PLXNC1: variants seen among roughly 807,000 people sequenced by gnomAD.
The protein encoded by PLXNC1 is plexin-C1.
PLXNC1 carries 75 observed loss-of-function variants against 178.2 expected under a neutral mutation model. That is an observed-to-expected ratio of 0.42 (90% CI 0.35 to 0.51). PLXNC1 has a LOEUF of 0.51. Among genes scored for constraint, PLXNC1 ranks in the 20% least tolerant of loss-of-function variants. The pLI, the probability that PLXNC1 is intolerant of heterozygous loss-of-function variation, is 0.02. For synonymous variants in PLXNC1, 790 were observed against 779.9 expected (o/e 1.01, Z -0.22); for missense variants, 1,503 against 1,984.4 (o/e 0.76, Z 4.61).
chr12:94,214,874 A>G (rs1334484837), intron 5 of PLXNC1, among the ~76,000 whole-genome samples: 1 of 151,968 alleles, frequency 6.6e-6, no homozygotes, highest in Non-Finnish European at 1.5e-5. Flanking sequence ...TAGTAGTTAG[A>G]TAGCAGAGCA....
intron 2 of PLXNC1, among the ~76,000 whole-genome samples, chr12:94,175,340 A>G (rs569264500): frequency 6.6e-6 from 1 of 152,354 alleles, no homozygotes; most frequent in African/African-American, 2.4e-5. Flanking sequence ...ATAAAATATT[A>G]TAGCTTTTTG....
intron 12 of PLXNC1, among the ~76,000 whole-genome samples, chr12:94,245,958 A>G (rs1013601265): frequency 2.0e-5 from 3 of 152,216 alleles, no homozygotes; most frequent in African/African-American, 7.2e-5. Flanking sequence ...GGACCGAGAC[A>G]ATTAGTGACA....
chr12:94,212,489 C>A (rs11107447), intron 5 of PLXNC1, among the ~76,000 whole-genome samples: 16 of 139,514 alleles, frequency 1.1e-4, no homozygotes, highest in East Asian at 4.5e-4. Flanking sequence ...CCCCACCCCC[C>A]GGCAGGCCCC....
chr12:94,237,567 C>CAG (rs1964275146), intron 9 of PLXNC1, 97 bp from the exon 10 acceptor site: 1 of 981,998 alleles, frequency 1.0e-6, no homozygotes, highest in African/African-American at 1.6e-5. Flanking sequence ...TGTAATTTCC[C>CAG]AGTGATTTCT....
In PLXNC1 at chr12:94,149,452, T is replaced by A; in HGVS notation, c.481T>A (p.Ser161Thr). The A allele has an allele frequency of 6.8e-7, 1 of 1,464,304 alleles. No individual in the cohort carries two copies. Among genetic ancestry groups the A allele is most frequent in the Non-Finnish European group, 9.0e-7 (1 of 1,116,360 alleles). The allele number at this position is 1,464,304 out of a possible 1,614,324, so 90.7% of individuals were successfully genotyped here. Reference protein sequence around the residue: ...TEVVSCHPQGSTAGVVYRAGR... With the variant: ...TEVVSCHPQGTTAGVVYRAGR... ...GGTGGTGTCGTGCCACCCGCAGGGC[T>A]CGACGGCCGGCGTGGTGTACCGCGC... is the stretch of plus-strand genomic sequence containing the variant. Residue 161 changes from serine to threonine, a missense_variant, in exon 1 of 31, where the codon TCG becomes ACG. Physicochemically the swap from Ser to Thr is moderately conservative, Grantham distance 58 (BLOSUM62 1). This residue lies in a region of PLXNC1 where 73 missense variants were observed against 125.4 expected (regional missense o/e 0.58). Transcript: ENST00000258526.
chr12:94,222,146 T>G (rs770543391), intron 6 of PLXNC1, among the ~76,000 whole-genome samples: 9 of 152,316 alleles, frequency 5.9e-5, no homozygotes, highest in Non-Finnish European at 1.0e-4. Context: ...CTGGTTAATT[T>G]TGTTCATTAA....
At chr12:94,201,758 T>A (rs1280878517) in intron 4 of PLXNC1, among the ~76,000 whole-genome samples, 5 of 29,546 alleles carry the variant, frequency 1.7e-4, no homozygotes, top group African/African-American at 4.2e-4. Flanking sequence ...CTTTTTTTTT[T>A]TTTTTTTTTT....
chr12:94,299,341 G>C (rs988220373), intron 27 of PLXNC1, among the ~76,000 whole-genome samples: 41 of 152,184 alleles, frequency 2.7e-4, no homozygotes, highest in African/African-American at 9.4e-4. Flanking sequence ...TGTAGCTCAT[G>C]AGCTCTCTTT....
At chr12:94,194,251 A>G (rs1319468085) in intron 4 of PLXNC1, among the ~76,000 whole-genome samples, 1 of 152,140 alleles carries the variant, frequency 6.6e-6, no homozygotes, top group Non-Finnish European at 1.5e-5. Flanking sequence ...ACCCACCCCC[A>G]TGATCCAATC....
intron 23 of PLXNC1, among the ~76,000 whole-genome samples, chr12:94,284,184 G>GA (rs1203623299): frequency 2.6e-5 from 4 of 152,096 alleles, no homozygotes; most frequent in African/African-American, 9.7e-5. Context: ...GCAATTTGGG[G>GA]AGAGTCAGAA....
chr12:94,214,524 A>G (rs963393615), intron 5 of PLXNC1, among the ~76,000 whole-genome samples: 1 of 152,234 alleles, frequency 6.6e-6, no homozygotes, highest in African/African-American at 2.4e-5. Context: ...AATTAAATAT[A>G]AAAAACATTA....
At chr12:94,224,988 G>C (rs2136026166) in intron 7 of PLXNC1, among the ~76,000 whole-genome samples, 1 of 152,204 alleles carries the variant, frequency 6.6e-6, no homozygotes, top group South Asian at 2.1e-4. Context: ...TTGAGTGTAG[G>C]GGTAAAAAGT....
At chr12:94,159,246 A>G (rs192612377) in intron 1 of PLXNC1, among the ~76,000 whole-genome samples, 6 of 152,344 alleles carry the variant, frequency 3.9e-5, no homozygotes, top group Non-Finnish European at 5.9e-5. Flanking sequence ...TATTCTAAGC[A>G]CTTTACCAAT....
chr12:94,197,257 G>T (rs1296169947), intron 4 of PLXNC1, among the ~76,000 whole-genome samples: 1 of 152,138 alleles, frequency 6.6e-6, no homozygotes, highest in Non-Finnish European at 1.5e-5. Context: ...TCATGTATTG[G>T]ACACTTAATC....
chr12:94,220,003 C>G lies in PLXNC1; in HGVS notation c.1555-13C>G. 2 of 1,608,198 alleles carry G rather than the reference C, an allele frequency of 1.2e-6. No homozygotes were observed. The highest frequency in any genetic ancestry group is 1.7e-6 in the Non-Finnish European group (2 of 1,176,364). On this transcript the variant is annotated splice_polypyrimidine_tract_variant and intron_variant, in intron 5 of 30. Coordinates refer to ENST00000258526, the MANE Select transcript of PLXNC1 (RefSeq NM_005761.3). ...AAAAATCATCATTTTTTCCCCATAT[C>G]TTCCCCGCACAGACTACAGTGACTA... is the stretch of plus-strand genomic sequence containing the variant.
chr12:94,258,512 A>C (rs1239723898), intron 17 of PLXNC1, among the ~76,000 whole-genome samples: 2 of 152,236 alleles, frequency 1.3e-5, no homozygotes, highest in African/African-American at 4.8e-5. Flanking sequence ...CTGTGGACTT[A>C]AAGTATTGCT....
chr12:94,204,182 T>C (rs977445531), intron 4 of PLXNC1, among the ~76,000 whole-genome samples: 21 of 152,234 alleles, frequency 1.4e-4, no homozygotes, highest in Non-Finnish European at 2.8e-4. Context: ...CAGTCACTAT[T>C]AGCTATTCTG....
At chr12:94,288,101 C>T (rs1280612753) in intron 23 of PLXNC1, among the ~76,000 whole-genome samples, 1 of 152,242 alleles carries the variant, frequency 6.6e-6, no homozygotes, top group Non-Finnish European at 1.5e-5. Context: ...TCCTAACCTC[C>T]GAGGCAGCCT....
intron 22 of PLXNC1, chr12:94,281,794 T>A (rs1176516603): frequency 6.5e-6 from 1 of 154,570 alleles, no homozygotes; most frequent in African/African-American, 2.4e-5. Flanking sequence ...CCATGCAGGT[T>A]CCAAAAAAAG....
Sources: allele counts gnomAD v4.1 joint callset (sites outside exome capture counted in the v4.1 genomes callset), GRCh38; gene constraint gnomAD v4.1.1; regional missense constraint gnomAD v4.1.1; transcripts MANE v1.5; gene names NCBI Gene and HGNC (gene_info 2026-07-23, HGNC 2026-07-21).